Variants in SEMA6A observed in about 807,000 individuals in gnomAD.
The protein encoded by SEMA6A is semaphorin 6A.
In SEMA6A, 25 loss-of-function variants were observed where a neutral mutation model predicts 96.8. That is an observed-to-expected ratio of 0.26 (90% CI 0.19 to 0.36). SEMA6A has a LOEUF of 0.36. Among genes scored for constraint, SEMA6A ranks in the 10% least tolerant of loss-of-function variants. The pLI is 1.00. For synonymous variants in SEMA6A, 612 were observed against 518.0 expected (o/e 1.18, Z -2.46); for missense variants, 1,363 against 1,323.1 (o/e 1.03, Z -0.47).
chr5:116,510,102 T>TG (rs1758338315), intron 1 of SEMA6A, among the ~76,000 whole-genome samples: 1 of 152,036 alleles, frequency 6.6e-6, no homozygotes, highest in South Asian at 2.1e-4. Flanking sequence ...TCATGAAAAG[T>TG]GGTGAAAAGT....
At chr5:116,485,360 C>G (rs753133062) in intron 10 of SEMA6A, among the ~76,000 whole-genome samples, 6 of 152,100 alleles carry the variant, frequency 3.9e-5, no homozygotes, top group Non-Finnish European at 8.8e-5. Context: ...TTTCCATGTG[C>G]CAAGACAGTA....
At chr5:116,518,928 G>A (rs561103533) in intron 1 of SEMA6A, among the ~76,000 whole-genome samples, 2 of 152,114 alleles carry the variant, frequency 1.3e-5, no homozygotes, top group African/African-American at 4.8e-5. Context: ...AAAAGACTAA[G>A]GCAGAATGAC....
intron 1 of SEMA6A, among the ~76,000 whole-genome samples, chr5:116,522,672 A>T (rs1759014008): frequency 6.6e-6 from 1 of 152,146 alleles, no homozygotes. Context: ...AATAACCTTC[A>T]TATTTTTTAT....
intron 3 of SEMA6A, among the ~76,000 whole-genome samples, chr5:116,501,121 C>T (rs1757857284): frequency 6.6e-6 from 1 of 152,146 alleles, no homozygotes; most frequent in Admixed American, 6.5e-5. Flanking sequence ...TGTTGCTGTT[C>T]ATTTGGAATT....
intron 1 of SEMA6A, among the ~76,000 whole-genome samples, chr5:116,525,754 T>C (rs1026221320): frequency 1.8e-4 from 27 of 152,228 alleles, no homozygotes; most frequent in African/African-American, 6.3e-4. Context: ...CCTATAGTCA[T>C]TGGTGGTAAG....
At chr5:116,454,113 T>A (rs984537575) in intron 18 of SEMA6A, among the ~76,000 whole-genome samples, 3 of 152,090 alleles carry the variant, frequency 2.0e-5, no homozygotes, top group South Asian at 4.1e-4. Flanking sequence ...CATAGTGAAG[T>A]GATTAATAGG....
chr5:116,486,927 T>A lies in SEMA6A; in HGVS notation c.784A>T (p.Met262Leu). ...PRVAQVCKNDMGGSQRVLEKQ... is the reference protein window; with the variant it reads ...PRVAQVCKNDLGGSQRVLEKQ... ...TCCAGGACTCTTTGAGATCCTCCCA[T>A]ATCATTCTTACAAACCTGAGCCACT... The change falls in exon 10 of 19, where the codon ATG (methionine) becomes TTG (leucine). Residue 262 changes from methionine (M) to leucine (L), a missense_variant. By Grantham distance (15) the Met-to-Leu change is conservative. This residue lies in a region of SEMA6A where 480 missense variants were observed against 559.5 expected (regional missense o/e 0.86). Coordinates refer to ENST00000343348, the MANE Select transcript of SEMA6A (RefSeq NM_020796.5). 1 of 1,613,760 alleles carries A rather than the reference T, an allele frequency of 6.2e-7. No homozygotes were observed. The highest frequency in any genetic ancestry group is 8.5e-7 in the Non-Finnish European group (1 of 1,179,760).
In SEMA6A at chr5:116,443,772, C is replaced by G. The variant is rs1029607171; in HGVS notation, c.*2841G>C. The G allele has an allele frequency of 1.3e-5, 2 of 152,566 alleles. No individual in the cohort carries two copies. The highest frequency in any genetic ancestry group is 4.8e-5 in the African/African-American group (2 of 41,424). The allele number at this position is 152,566 out of a possible 1,614,324, so 9.5% of individuals were successfully genotyped here. ...ATAAATCTGAGTTTGTTGCATCTAC[C>G]AGTGTCTAGCAAGGGTGGAAAGCAA... On this transcript the variant is annotated 3_prime_UTR_variant, in exon 19 of 19. Coordinates refer to ENST00000343348, the MANE Select transcript of SEMA6A (RefSeq NM_020796.5).
intron 3 of SEMA6A, among the ~76,000 whole-genome samples, chr5:116,499,446 AT>A (rs1757766595): frequency 1.3e-5 from 2 of 151,784 alleles, no homozygotes; most frequent in East Asian, 1.9e-4. Context: ...GCGGGGAGGG[AT>A]TTAGCTTTAA....
At position 116,500,451 on chromosome 5, in the gene SEMA6A, C is replaced by A. The variant is rs538981003; in HGVS notation, c.218+1759G>T. The stretch of plus-strand genomic sequence containing the variant: ...GGATGAATTGACATTCATAAAGAAT[C>A]TACAGCTATGTTTGTGAATTGTATG... On this transcript the variant is annotated intron_variant, in intron 3 of 18. Transcript: ENST00000343348. 5.3e-5 allele frequency among the ~76,000 whole-genome samples: 8 copies of A among 152,272 alleles called. No homozygotes were observed. The South Asian group carries it at 1.7e-3, about 32-fold the overall frequency.
At chr5:116,541,274 T>G (rs563551458) in intron 1 of SEMA6A, among the ~76,000 whole-genome samples, 2 of 152,300 alleles carry the variant, frequency 1.3e-5, no homozygotes, top group Middle Eastern at 3.4e-3. Flanking sequence ...CCACACATCT[T>G]TATCTAAACC....
intron 18 of SEMA6A, among the ~76,000 whole-genome samples, chr5:116,448,255 G>A (rs1240383750): frequency 6.6e-6 from 1 of 151,648 alleles, no homozygotes; most frequent in African/African-American, 2.4e-5. Flanking sequence ...CTGAGGTAGA[G>A]AATTGTTTGA....
intron 1 of SEMA6A, among the ~76,000 whole-genome samples, chr5:116,552,922 C>A (rs1388119184): frequency 6.6e-6 from 1 of 152,092 alleles, no homozygotes; most frequent in Non-Finnish European, 1.5e-5. Flanking sequence ...TGATGGCGAT[C>A]CTGTCTCCAG....
chr5:116,474,534 T>C (rs530371875), intron 16 of SEMA6A, among the ~76,000 whole-genome samples: 26 of 152,186 alleles, frequency 1.7e-4, no homozygotes, highest in Non-Finnish European at 2.9e-4. Context: ...ATGAAAAATA[T>C]GTATATGGCA....
chr5:116,466,991 C>G (rs936702038), intron 18 of SEMA6A, among the ~76,000 whole-genome samples: 2 of 152,104 alleles, frequency 1.3e-5, no homozygotes, highest in African/African-American at 4.8e-5. Flanking sequence ...AGTGTGGCTT[C>G]CTTTCCGTTG....
In SEMA6A at chr5:116,446,118, C is replaced by CT. The variant is rs1754183720; in HGVS notation, c.*494dup. On this transcript the variant is annotated 3_prime_UTR_variant, in exon 19 of 19. Coordinates refer to ENST00000343348, the MANE Select transcript of SEMA6A (RefSeq NM_020796.5). ...TATCAATGAATTCTTTTTTTTTTGT[C>CT]TTTTTAAATTTTCTTGATTTTAAAA... 6.7e-6 allele frequency: 1 copy of CT among 150,138 alleles called. No individual in the cohort carries two copies. The highest frequency in any genetic ancestry group is 1.5e-5 in the Non-Finnish European group (1 of 67,686). 9.3% of individuals were successfully genotyped at this position (150,138 alleles called of 1,614,324 possible). A position where few individuals can be genotyped will look rare whatever the true frequency, so the allele number is the denominator to read the frequency against.
chr5:116,470,772 A>G (rs1756078722), intron 17 of SEMA6A, among the ~76,000 whole-genome samples: 1 of 152,286 alleles, frequency 6.6e-6, no homozygotes, highest in Admixed American at 6.5e-5. Context: ...AGTTGGCTCT[A>G]TGAGCCTACA....
Position 116,497,354 on chromosome 5 carries a change from T to G in SEMA6A, c.252A>C (p.Ser84=). The G allele has an allele frequency of 6.2e-7, 1 of 1,600,744 alleles. No homozygotes were observed. The highest frequency in any genetic ancestry group is 8.6e-7 in the Non-Finnish European group (1 of 1,168,788). The change falls in exon 4 of 19, where the codon TCA becomes TCC. Residue 84 remains serine (S), a synonymous_variant. Coordinates refer to ENST00000343348, the MANE Select transcript of SEMA6A (RefSeq NM_020796.5). ...TGCTACAATAAATTTCTTCCGTGTG[T>G]GATGTGTCTATATCAACAGTATAAA... ...DHIYTVDIDT[S]HTEEIYCSKK... is the part of the protein sequence containing the mutation.
At chr5:116,568,590 ATGCTGGC>A (rs1384263779) in intron 1 of SEMA6A, among the ~76,000 whole-genome samples, 1 of 152,186 alleles carries the variant, frequency 6.6e-6, no homozygotes, top group African/African-American at 2.4e-5. Flanking sequence ...ATCCCCACAA[ATGCTGGC>A]TGTCTTCTTA....
Sources: allele counts gnomAD v4.1 joint callset (sites outside exome capture counted in the v4.1 genomes callset), GRCh38; gene constraint gnomAD v4.1.1; regional missense constraint gnomAD v4.1.1; transcripts MANE v1.5; gene names NCBI Gene and HGNC (gene_info 2026-07-23, HGNC 2026-07-21).